The following GATA3 variants were observed in gnomAD, a reference collection of about 807,000 sequenced individuals.
GATA3 encodes GATA binding protein 3.
In GATA3, 6 loss-of-function variants were observed where a neutral mutation model predicts 36.0. The ratio of observed to expected loss-of-function variants is 0.17; its 90% CI spans 0.09 to 0.33. The LOEUF is 0.33. GATA3 is among the 10% of genes least tolerant of loss of function. The probability of loss-of-function intolerance (pLI) is 1.00; values close to 1 mark genes in which losing one functional copy is unlikely to be tolerated. For missense variants in GATA3, 514 were observed against 610.1 expected (o/e 0.84, Z 1.66); for synonymous variants, 326 against 273.0 (o/e 1.19, Z -1.92).
At chr10:8,058,250 C>T in intron 2 of GATA3, 55 bp from the exon 3 acceptor site, 1 of 1,589,784 alleles carries the variant, frequency 6.3e-7, no homozygotes, top group South Asian at 1.1e-5. Context: ...TGACGGCCTC[C>T]CAGGGCCACA....
chr10:8,054,578 G>A (rs1832585088), upstream of GATA3: 1 of 152,122 alleles, frequency 6.6e-6, no homozygotes, highest in African/African-American at 2.4e-5. This position sits in a 1 kb window ranked among gnomAD's most constrained non-coding sequence, Gnocchi z 4.2. Flanking sequence ...TTGGGTTGCA[G>A]TTTCCTTGTG....
chr10:8,064,225 A>T (rs1026327310), intron 4 of GATA3, 87 bp downstream of exon 4: 2 of 1,546,042 alleles, frequency 1.3e-6, no homozygotes, highest in Admixed American at 3.4e-5. Context: ...TTCTGCAGGA[A>T]ATTGACAGGA....
rs1030859420 is a variant in GATA3, at chr10:8,074,462, G to A, written c.*439G>A. ...TTCAAATGGACAAACTGCCAGTTTT[G>A]TTTCCTTTCACTGGCCACAGTTGTT... On this transcript the variant is annotated 3_prime_UTR_variant, in exon 6 of 6. Transcript: ENST00000379328. 17 of 240,304 alleles carry A rather than the reference G, an allele frequency of 7.1e-5. No individual in the cohort carries two copies. Among genetic ancestry groups the A allele is most frequent in the African/African-American group, 3.5e-4 (16 of 45,432 alleles). 14.9% of individuals were successfully genotyped at this position (240,304 alleles called of 1,614,324 possible). A position where few individuals can be genotyped will look rare whatever the true frequency, so the allele number is the denominator to read the frequency against.
chr10:8,061,548 G>A (rs533022825), intron 3 of GATA3, among the ~76,000 whole-genome samples: 4 of 152,318 alleles, frequency 2.6e-5, no homozygotes, highest in African/African-American at 9.6e-5. Context: ...GCAGGAGAGA[G>A]TCAGGGCCTC....
intron 3 of GATA3, among the ~76,000 whole-genome samples, chr10:8,059,392 A>G (rs961171766): frequency 6.6e-6 from 1 of 152,222 alleles, no homozygotes; most frequent in Non-Finnish European, 1.5e-5. Context: ...AGCTGCACGC[A>G]TATTCTCTGC....
upstream of GATA3, chr10:8,050,975 C>G (rs544031286): frequency 1.8e-4 from 88 of 487,740 alleles, no homozygotes; most frequent in South Asian, 1.1e-3. Flanking sequence ...CGCCTGGAAG[C>G]GCCGGTTGCC....
intron 4 of GATA3, among the ~76,000 whole-genome samples, chr10:8,067,634 CA>C (rs572656775): frequency 6.2e-4 from 94 of 152,168 alleles, no homozygotes; most frequent in African/African-American, 1.8e-3. Flanking sequence ...CTGGCTAACA[CA>C]GGTGAAACCC....
In GATA3 at chr10:8,061,891, C is replaced by T. The variant is rs889804834; in HGVS notation, c.779-2102C>T. ...CACAGCGGCCTCTCCTCACACTGCC[C>T]TCTGCCCAGTGCCCAAGTAGGGGAG... On this transcript the variant is annotated intron_variant, in intron 3 of 5. Transcript: ENST00000379328. Among the ~76,000 whole-genome samples the T allele has an allele frequency of 6.3e-4, 96 of 152,224 alleles. 2 individuals are homozygous for T. Among genetic ancestry groups the T allele is most frequent in the Non-Finnish European group, 2.2e-4 (15 of 68,024 alleles).
At chr10:8,063,003 T>C (rs1316628593) in intron 3 of GATA3, among the ~76,000 whole-genome samples, 2 of 152,216 alleles carry the variant, frequency 1.3e-5, no homozygotes, top group African/African-American at 4.8e-5. Context: ...TCTGGGTGGG[T>C]CTGGGTCGCT....
rs145459484 is a variant in GATA3, at chr10:8,058,702, G to A, written c.639G>A (p.Ser213=). The A allele has an allele frequency of 1.9e-5, 31 of 1,612,726 alleles. No individual in the cohort carries two copies. Among genetic ancestry groups the A allele is most frequent in the African/African-American group, 4.0e-5 (3 of 74,884 alleles). Reference sequence around the variant, plus strand: ...TGACCGCCCTGGGTGGAGCCTCCTCGTCGACCCACCACCCCATCACCACCT... The same window carrying A: ...TGACCGCCCTGGGTGGAGCCTCCTCATCGACCCACCACCCCATCACCACCT... The part of the protein sequence containing the change: ...GSMTALGGAS[S]STHHPITTYP... Residue 213 remains serine, a synonymous_variant, in exon 3 of 6, where the codon TCG becomes TCA. Transcript: ENST00000379328.
Position 8,058,821 on chromosome 10 carries a change from C to T in GATA3, c.758C>T (p.Pro253Leu), listed in dbSNP as rs1832699488. ...ACCGGCTTCGGATGCAAGTCCAGGC[C>T]CAAGGCCCGGTCCAGCACAGGTAGG... ...SPTGFGCKSRPKARSSTEGRE... is the reference protein window; with the variant it reads ...SPTGFGCKSRLKARSSTEGRE... Residue 253 changes from proline to leucine, a missense_variant, in exon 3 of 6, where the codon CCC becomes CTC. Coordinates refer to ENST00000379328, the MANE Select transcript of GATA3 (RefSeq NM_001002295.2). The T allele has an allele frequency of 1.2e-6, 2 of 1,604,972 alleles. No homozygotes were observed.
At position 8,055,008 on chromosome 10, in the gene GATA3, T is replaced by G. The variant is rs1055354100; in HGVS notation, c.-370+117T>G. On this transcript the variant is annotated intron_variant, in intron 1 of 5. Transcript: ENST00000379328. The surrounding 1 kb of genome is among the most constrained non-coding windows in gnomAD (Gnocchi z 5.4). The stretch of plus-strand genomic sequence containing the variant: ...CCTCTTTTGGAGGTTTTCTAGGGGC[T>G]GAGAGGACGGTCCCGGGACCGGTGT... The G allele has an allele frequency of 5.8e-6, 1 of 173,810 alleles. No homozygotes were observed. Among genetic ancestry groups the G allele is most frequent in the Non-Finnish European group, 1.2e-5 (1 of 80,646 alleles). 10.8% of individuals were successfully genotyped at this position (173,810 alleles called of 1,614,324 possible).
intron 5 of GATA3, among the ~76,000 whole-genome samples, chr10:8,072,755 G>A (rs531691950): frequency 7.9e-5 from 12 of 152,272 alleles, no homozygotes; most frequent in African/African-American, 2.4e-4. Context: ...ATGTTGATTG[G>A]TTGGTTGGCT....
chr10:8,069,357 G>C, intron 4 of GATA3, 116 bp from the exon 5 acceptor site: 1 of 1,101,634 alleles, frequency 9.1e-7, no homozygotes, highest in Non-Finnish European at 1.4e-6. Flanking sequence ...TGCTAGTTTT[G>C]ATTTCAATGA....
At chr10:8,063,012 C>A (rs986566337) in intron 3 of GATA3, among the ~76,000 whole-genome samples, 1 of 152,238 alleles carries the variant, frequency 6.6e-6, no homozygotes, top group African/African-American at 2.4e-5. Context: ...GTCTGGGTCG[C>A]TTTCCAGCCT....
At position 8,058,351 on chromosome 10, in the gene GATA3, G is replaced by T. The variant is rs1256720148; in HGVS notation, c.288G>T (p.Trp96Cys). 6.2e-7 allele frequency: 1 copy of T among 1,613,132 alleles called. No individual in the cohort carries two copies. The part of the protein sequence containing the change: ...RPPLLHGSLP[W>C]LDGGKALGSH... ...CTCTGCTTCATGGATCCCTACCCTGGCTGGACGGCGGCAAAGCCCTGGGCA... is the reference window on the plus strand; with the variant it reads ...CTCTGCTTCATGGATCCCTACCCTGTCTGGACGGCGGCAAAGCCCTGGGCA... Residue 96 changes from tryptophan to cysteine, a missense_variant, in exon 3 of 6, where the codon TGG becomes TGT. Transcript: ENST00000379328.
chr10:8,046,976 C>T (rs1400009963), intron 1 of GATA3, among the ~76,000 whole-genome samples: 1 of 152,178 alleles, frequency 6.6e-6, no homozygotes, highest in Non-Finnish European at 1.5e-5. Flanking sequence ...CCACTCTGCA[C>T]AAGAGATCTC....
chr10:8,056,009 C>A (rs978341178), intron 2 of GATA3, 113 bp downstream of exon 2: 2 of 1,391,596 alleles, frequency 1.4e-6, no homozygotes, highest in East Asian at 2.5e-5. Context: ...CCCCATCTGC[C>A]GTTCCTGGTT....
Position 8,074,372 on chromosome 10 carries a change from A to T in GATA3, c.*349A>T, listed in dbSNP as rs1459033977. On this transcript the variant is annotated 3_prime_UTR_variant, in exon 6 of 6. Transcript: ENST00000379328. ...TCTGGGTAGCTGTAAGGCATGAAGGATGCCAAGAAGTTTAAGGAATATGGG... is the reference window on the plus strand; with the variant it reads ...TCTGGGTAGCTGTAAGGCATGAAGGTTGCCAAGAAGTTTAAGGAATATGGG... 3.4e-6 allele frequency: 1 copy of T among 292,168 alleles called. No individual in the cohort carries two copies. Among genetic ancestry groups the T allele is most frequent in the African/African-American group, 2.1e-5 (1 of 47,086 alleles). The allele number at this position is 292,168 out of a possible 1,614,324, so 18.1% of individuals were successfully genotyped here.
Sources: allele counts gnomAD v4.1 joint callset (sites outside exome capture counted in the v4.1 genomes callset), GRCh38; gene constraint gnomAD v4.1.1; non-coding constraint Gnocchi (gnomAD v3.1); transcripts MANE v1.5; gene names NCBI Gene and HGNC (gene_info 2026-07-23, HGNC 2026-07-21).